THSD7A: variants seen among roughly 807,000 people sequenced by gnomAD.
The protein encoded by THSD7A is thrombospondin type 1 domain containing 7A.
THSD7A carries 96 observed loss-of-function variants against 231.3 expected under a neutral mutation model. That is an observed-to-expected ratio of 0.41 (90% CI 0.35 to 0.49). THSD7A has a LOEUF of 0.49. THSD7A is among the 20% of genes least tolerant of loss of function. THSD7A has a pLI of 0.05. For missense variants in THSD7A, 2,290 were observed against 2,070.2 expected (o/e 1.11, Z -2.06); for synonymous variants, 940 against 743.3 (o/e 1.26, Z -4.30).
chr7:11,524,141 G>T (rs1562684009), intron 6 of THSD7A, among the ~76,000 whole-genome samples: 1 of 151,990 alleles, frequency 6.6e-6, no homozygotes, highest in Non-Finnish European at 1.5e-5. Flanking sequence ...TATATGTTTA[G>T]TAACCACCTG....
chr7:11,747,661 C>A (rs114083855), intron 1 of THSD7A, among the ~76,000 whole-genome samples: 1,975 of 152,010 alleles, frequency 0.013, 27 homozygotes, highest in African/African-American at 0.045. Context: ...GATAGAAAGA[C>A]ATATGGCTGA....
At chr7:11,630,403 G>GA (rs1291969580) in intron 2 of THSD7A, among the ~76,000 whole-genome samples, 2 of 152,118 alleles carry the variant, frequency 1.3e-5, no homozygotes, top group Non-Finnish European at 2.9e-5. Flanking sequence ...GACTTAAAAT[G>GA]AAAAATGAAT....
intron 17 of THSD7A, among the ~76,000 whole-genome samples, chr7:11,416,703 C>T (rs1011800172): frequency 2.0e-5 from 3 of 152,140 alleles, no homozygotes; most frequent in African/African-American, 7.2e-5. Context: ...TTTTCTCATG[C>T]TTTTGATGCT....
Position 11,474,659 on chromosome 7 carries a change from TA to T in THSD7A, c.2018-92del. The T allele has an allele frequency of 9.3e-7, 1 of 1,072,546 alleles. No individual in the cohort carries two copies. The allele number at this position is 1,072,546 out of a possible 1,614,324, so 66.4% of individuals were successfully genotyped here. On this transcript the variant is annotated intron_variant, in intron 7 of 27. Coordinates refer to ENST00000423059, the MANE Select transcript of THSD7A (RefSeq NM_015204.3). The surrounding 1 kb of genome is among the most constrained non-coding windows in gnomAD (Gnocchi z 4.1). ...CTTTGGAATTAACATGGCTTAGAAA[TA>T]AAAAGTGACTTTTCTTCCCCACATC...
chr7:11,524,654 G>C (rs985502711), intron 6 of THSD7A, among the ~76,000 whole-genome samples: 1 of 152,082 alleles, frequency 6.6e-6, no homozygotes, highest in Non-Finnish European at 1.5e-5. Flanking sequence ...AGCTTTCCAG[G>C]GTGCTTTGAA....
intron 13 of THSD7A, among the ~76,000 whole-genome samples, chr7:11,441,102 T>C (rs960116012): frequency 6.6e-6 from 1 of 152,088 alleles, no homozygotes; most frequent in African/African-American, 2.4e-5. Flanking sequence ...AGCTTTTTAT[T>C]CATCCATTTA....
At chr7:11,661,977 T>C (rs116751163) in intron 1 of THSD7A, among the ~76,000 whole-genome samples, 1,960 of 150,870 alleles carry the variant, frequency 0.013, 42 homozygotes, top group African/African-American at 0.044. Flanking sequence ...ACACAAATCA[T>C]TGAAAGAATA....
At chr7:11,538,786 A>C (rs1305759556) in intron 6 of THSD7A, among the ~76,000 whole-genome samples, 1 of 152,114 alleles carries the variant, frequency 6.6e-6, no homozygotes, top group Non-Finnish European at 1.5e-5. Context: ...AAGCTATGCA[A>C]AACTCCTCCT....
intron 2 of THSD7A, among the ~76,000 whole-genome samples, chr7:11,594,941 G>T (rs1392736612): frequency 1.3e-5 from 2 of 152,082 alleles, no homozygotes; most frequent in Non-Finnish European, 2.9e-5. Flanking sequence ...CGTGTGGGGG[G>T]ACCCTGATGA....
chr7:11,545,645 G>A (rs951664224), intron 4 of THSD7A, among the ~76,000 whole-genome samples: 3 of 152,160 alleles, frequency 2.0e-5, no homozygotes, highest in Non-Finnish European at 4.4e-5. Context: ...TGGGAAAGGG[G>A]TGAATTAAAC....
chr7:11,483,968 C>G (rs765661913), intron 6 of THSD7A, among the ~76,000 whole-genome samples: 2 of 152,082 alleles, frequency 1.3e-5, no homozygotes, highest in African/African-American at 2.4e-5. Flanking sequence ...AAGAAATGTG[C>G]AATTTTGACC....
intron 1 of THSD7A, among the ~76,000 whole-genome samples, chr7:11,709,212 A>G (rs542526250): frequency 2.0e-5 from 3 of 150,776 alleles, no homozygotes; most frequent in Non-Finnish European, 4.5e-5. Context: ...CATGCTGCAT[A>G]CATTCAATAC....
chr7:11,452,122 A>G (rs1785166344), intron 11 of THSD7A, among the ~76,000 whole-genome samples: 1 of 151,958 alleles, frequency 6.6e-6, no homozygotes, highest in Non-Finnish European at 1.5e-5. Flanking sequence ...CCACTACACT[A>G]GTGTCTGGGT....
chr7:11,807,173 G>T (rs1322350442), intron 1 of THSD7A, among the ~76,000 whole-genome samples: 1 of 151,918 alleles, frequency 6.6e-6, no homozygotes, highest in Non-Finnish European at 1.5e-5. Flanking sequence ...GTATTCCTTA[G>T]CCCTTCTCCA....
chr7:11,794,428 T>C (rs1784056858), intron 1 of THSD7A, among the ~76,000 whole-genome samples: 1 of 151,954 alleles, frequency 6.6e-6, no homozygotes, highest in Non-Finnish European at 1.5e-5. Context: ...TAATGATCAT[T>C]AGTGATGTCT....
chr7:11,426,705 G>T, intron 14 of THSD7A, 34 bp from the exon 15 acceptor site: 1 of 1,553,748 alleles, frequency 6.4e-7, no homozygotes, highest in Non-Finnish European at 8.7e-7. Context: ...GATGAAAAGG[G>T]AGAGAAATAA....
At chr7:11,628,932 G>C (rs960228857) in intron 2 of THSD7A, among the ~76,000 whole-genome samples, 1 of 152,156 alleles carries the variant, frequency 6.6e-6, no homozygotes, top group African/African-American at 2.4e-5. Flanking sequence ...TAGGCATCGA[G>C]GAGTGGTATA....
chr7:11,653,101 C>G (rs992831492), intron 1 of THSD7A, among the ~76,000 whole-genome samples: 1 of 151,944 alleles, frequency 6.6e-6, no homozygotes, highest in Non-Finnish European at 1.5e-5. Context: ...GCAAATTTCT[C>G]ACCATCTGCA....
chr7:11,485,146 C>A (rs928980586), intron 6 of THSD7A, among the ~76,000 whole-genome samples: 3 of 151,998 alleles, frequency 2.0e-5, no homozygotes, highest in African/African-American at 7.3e-5. Context: ...GCCTCAGCCT[C>A]CCAAAGTGCT....
Sources: allele counts gnomAD v4.1 joint callset (sites outside exome capture counted in the v4.1 genomes callset), GRCh38; gene constraint gnomAD v4.1.1; non-coding constraint Gnocchi (gnomAD v3.1); transcripts MANE v1.5; gene names NCBI Gene and HGNC (gene_info 2026-07-23, HGNC 2026-07-21).